PCED1B: variants seen among roughly 807,000 people sequenced by gnomAD.
PCED1B encodes PC-esterase domain-containing protein 1B.
For synonymous variants in PCED1B, 251 were observed against 246.1 expected (o/e 1.02, Z -0.19); for missense variants, 573 against 573.9 (o/e 1.00, Z 0.02).
In PCED1B at chr12:47,217,484, G is replaced by GAA. The variant is rs1194116782; in HGVS notation, c.-58+797_-58+798dup. On this transcript the variant is annotated intron_variant, in intron 3 of 3. Coordinates refer to ENST00000546455, the MANE Select transcript of PCED1B (RefSeq NM_138371.3). ...AAAGAAAGAAAGAGAAAGAAAGAAA[G>GAA]AAAGAAAGAAAGAAAGAAAGAAAGA... Among the ~76,000 whole-genome samples the GAA allele has an allele frequency of 3.4e-4, 33 of 96,486 alleles. 2 individuals carry two copies. The highest frequency in any genetic ancestry group is 1.6e-3 in the African/African-American group (24 of 14,878). 63.3% of individuals were successfully genotyped at this position (96,486 alleles called of 152,430 possible).
intron 3 of PCED1B, among the ~76,000 whole-genome samples, chr12:47,232,051 A>G (rs1249447969): frequency 6.6e-6 from 1 of 152,220 alleles, no homozygotes; most frequent in Non-Finnish European, 1.5e-5. Flanking sequence ...TTAGAGCGCA[A>G]GACCATATTT....
intron 2 of PCED1B, among the ~76,000 whole-genome samples, chr12:47,198,483 C>T (rs760448476): frequency 2.6e-5 from 4 of 151,992 alleles, no homozygotes; most frequent in African/African-American, 4.8e-5. Flanking sequence ...TTTCTCCCTA[C>T]GATCAAGAAC....
chr12:47,113,808 G>A (rs921902685), intron 2 of PCED1B, among the ~76,000 whole-genome samples: 6 of 152,012 alleles, frequency 3.9e-5, no homozygotes, highest in South Asian at 2.1e-4. Flanking sequence ...TCAGGAGTTC[G>A]AAACCAGCCT....
chr12:47,080,716 A>G (rs1424093666), intron 1 of PCED1B, among the ~76,000 whole-genome samples: 1 of 152,174 alleles, frequency 6.6e-6, no homozygotes, highest in Non-Finnish European at 1.5e-5. Context: ...TGCAAAGATA[A>G]GAGTATTAAC....
At chr12:47,154,313 G>A (rs373401881) in intron 2 of PCED1B, among the ~76,000 whole-genome samples, 7 of 152,146 alleles carry the variant, frequency 4.6e-5, no homozygotes, top group Middle Eastern at 3.2e-3. Context: ...TTCCTTATGA[G>A]CACTACGAAA....
At chr12:47,091,688 C>A (rs988195725) in intron 1 of PCED1B, among the ~76,000 whole-genome samples, 1 of 152,108 alleles carries the variant, frequency 6.6e-6, no homozygotes, top group Non-Finnish European at 1.5e-5. Flanking sequence ...TCAATTATTT[C>A]TGCAATCTGT....
At chr12:47,130,432 T>G (rs1189359927) in intron 2 of PCED1B, among the ~76,000 whole-genome samples, 3 of 152,210 alleles carry the variant, frequency 2.0e-5, no homozygotes, top group Non-Finnish European at 4.4e-5. Context: ...ATCCCACCAC[T>G]TTGAGAGGCC....
At chr12:47,103,485 T>G (rs189039746) in intron 1 of PCED1B, among the ~76,000 whole-genome samples, 31 of 152,340 alleles carry the variant, frequency 2.0e-4, no homozygotes, top group Non-Finnish European at 4.0e-4. Context: ...TCGCAGCTAT[T>G]TATGACCATT....
chr12:47,091,890 A>C (rs1462705383), intron 1 of PCED1B, among the ~76,000 whole-genome samples: 3 of 152,072 alleles, frequency 2.0e-5, no homozygotes, highest in African/African-American at 7.2e-5. Context: ...GTTGTGTTTC[A>C]TTGGACAGTT....
chr12:47,163,171 CT>C (rs1045540518), intron 2 of PCED1B, among the ~76,000 whole-genome samples: 7 of 151,888 alleles, frequency 4.6e-5, no homozygotes, highest in African/African-American at 1.7e-4. Flanking sequence ...GTATTTAATT[CT>C]TTTTGATGCT....
intron 2 of PCED1B, among the ~76,000 whole-genome samples, chr12:47,176,292 T>G (rs1195436865): frequency 6.6e-6 from 1 of 152,152 alleles, no homozygotes; most frequent in Non-Finnish European, 1.5e-5. Flanking sequence ...TTTGTTTTTT[T>G]CCCCCAGTTC....
chr12:47,217,401 CA>C (rs35045639), intron 3 of PCED1B, among the ~76,000 whole-genome samples: 43,158 of 114,462 alleles, frequency 0.38, 10,947 homozygotes, highest in African/African-American at 0.67. Flanking sequence ...AAGAAAGAAA[CA>C]GAGAGAGAGA....
intron 2 of PCED1B, among the ~76,000 whole-genome samples, chr12:47,186,860 T>G (rs1942286358): frequency 6.6e-6 from 1 of 152,170 alleles, no homozygotes; most frequent in African/African-American, 2.4e-5. Context: ...TTAGGATATC[T>G]CCAGCTGATT....
chr12:47,145,930 T>C (rs1271236625), intron 2 of PCED1B, among the ~76,000 whole-genome samples: 1 of 152,218 alleles, frequency 6.6e-6, no homozygotes, highest in African/African-American at 2.4e-5. Context: ...ATACTTTTCA[T>C]AAGGCTACAG....
chr12:47,230,566 C>T (rs79483479), intron 3 of PCED1B, among the ~76,000 whole-genome samples: 1,668 of 152,176 alleles, frequency 0.011, 39 homozygotes, highest in African/African-American at 0.037. Context: ...CCTCAGCCTC[C>T]GAGTAGCTGG....
intron 2 of PCED1B, among the ~76,000 whole-genome samples, chr12:47,139,606 T>G (rs956136843): frequency 4.7e-4 from 72 of 152,154 alleles, no homozygotes; most frequent in African/African-American, 1.7e-3. Context: ...CCAGATCATG[T>G]GGGATGTATG....
At chr12:47,118,517 T>C (rs1939532595) in intron 2 of PCED1B, among the ~76,000 whole-genome samples, 1 of 152,216 alleles carries the variant, frequency 6.6e-6, no homozygotes, top group Admixed American at 6.5e-5. Flanking sequence ...GTGGTATTAT[T>C]TCTGAGGGCT....
intron 1 of PCED1B, among the ~76,000 whole-genome samples, chr12:47,099,756 C>T (rs1049436783): frequency 1.3e-5 from 2 of 152,164 alleles, no homozygotes; most frequent in African/African-American, 4.8e-5. Context: ...TGAGAGGTGG[C>T]CCAGTCATAT....
chr12:47,228,363 T>A (rs892937084), intron 3 of PCED1B, among the ~76,000 whole-genome samples: 6 of 152,086 alleles, frequency 3.9e-5, no homozygotes, highest in Non-Finnish European at 7.4e-5. Context: ...TATGTGTTTT[T>A]ATGTCTCTTG....
Sources: allele counts gnomAD v4.1 joint callset (sites outside exome capture counted in the v4.1 genomes callset), GRCh38; gene constraint gnomAD v4.1.1; transcripts MANE v1.5; gene names NCBI Gene and HGNC (gene_info 2026-07-23, HGNC 2026-07-21).